THBS4: variants seen among roughly 807,000 people sequenced by gnomAD.
THBS4 encodes thrombospondin 4.
Under a neutral mutation model 115.7 loss-of-function variants are expected in THBS4, and 90 were observed. The observed-to-expected ratio is 0.78, with a 90% CI of 0.66 to 0.93. The LOEUF (loss-of-function observed/expected upper bound fraction) is 0.93. Among genes scored for constraint, THBS4 ranks in the 40% least tolerant of loss-of-function variants. THBS4 has a pLI of 0.00. For missense variants in THBS4, 1,087 were observed against 1,232.7 expected (o/e 0.88, Z 1.77); for synonymous variants, 460 against 479.3 (o/e 0.96, Z 0.53).
At chr5:80,028,615 T>A (rs183483323) in intron 2 of THBS4, among the ~76,000 whole-genome samples, 5 of 152,072 alleles carry the variant, frequency 3.3e-5, no homozygotes, top group African/African-American at 1.2e-4. Flanking sequence ...CCCACCACCA[T>A]GCCCAGCTAA....
chr5:80,059,414 CT>C (rs1292378237), intron 5 of THBS4, 25 bp from the exon 6 acceptor site: 4 of 1,610,428 alleles, frequency 2.5e-6, no homozygotes, highest in Admixed American at 1.7e-5. Context: ...CTTTTCAATC[CT>C]TTTTTCCCCT....
At chr5:80,048,287 C>A (rs1339000119) in intron 2 of THBS4, among the ~76,000 whole-genome samples, 1 of 152,026 alleles carries the variant, frequency 6.6e-6, no homozygotes, top group Non-Finnish European at 1.5e-5. Context: ...GGAGAGTGAT[C>A]CAAAAGTGAA....
rs1341458378 is a variant in THBS4 at position 80,083,088 on chromosome 5, C to T, written c.2833C>T (p.Pro945Ser). 1.2e-6 allele frequency: 2 copies of T among 1,614,038 alleles called. No individual in the cohort carries two copies. Among genetic ancestry groups the T allele is most frequent in the South Asian group, 2.2e-5 (2 of 91,084 alleles). ...NLKYRCNDTIPEDFQEFQTQN... is the reference protein window; with the variant it reads ...NLKYRCNDTISEDFQEFQTQN... ...GCCCATTCCTATTGCAGACACCATC[C>T]CTGAGGACTTCCAAGAGTTTCAAAC... Residue 945 changes from proline (P) to serine (S), a missense_variant, in exon 22 of 22, where the codon CCT (proline) becomes TCT (serine). Transcript: ENST00000350881.
At chr5:80,017,400 TC>T (rs1395854044) in intron 2 of THBS4, among the ~76,000 whole-genome samples, 1 of 152,188 alleles carries the variant, frequency 6.6e-6, no homozygotes, top group Non-Finnish European at 1.5e-5. Flanking sequence ...CTCAATTTCT[TC>T]CATCTACTAA....
At chr5:80,012,576 A>G (rs1384979887) in intron 2 of THBS4, among the ~76,000 whole-genome samples, 1 of 152,118 alleles carries the variant, frequency 6.6e-6, no homozygotes, top group Non-Finnish European at 1.5e-5. Context: ...TTTCAACTAG[A>G]GGTTGAAGCT....
chr5:80,075,924 A>G (rs1743183560), intron 15 of THBS4: 1 of 152,308 alleles, frequency 6.6e-6, no homozygotes, highest in Non-Finnish European at 1.5e-5. Context: ...GCCCTAGAGC[A>G]TGGTCTGGTC....
intron 1 of THBS4, among the ~76,000 whole-genome samples, chr5:79,997,425 T>C (rs1238143118): frequency 1.3e-5 from 2 of 152,072 alleles, no homozygotes. Context: ...GGACATTACA[T>C]AATGATAAAT....
At chr5:80,032,853 C>A (rs1314932058), upstream of THBS4, among the ~76,000 whole-genome samples, 5 of 152,286 alleles carry the variant, frequency 3.3e-5, no homozygotes, top group East Asian at 7.7e-4. Flanking sequence ...TTTGGCAGCA[C>A]CCTCACAGAC....
In THBS4 at chr5:80,076,999, AC is replaced by A; in HGVS notation, c.2039del (p.Pro680GlnfsTer48). The A allele has an allele frequency of 1.2e-6, 2 of 1,612,964 alleles. No individual in the cohort carries two copies. The highest frequency in any genetic ancestry group is 1.7e-6 in the Non-Finnish European group (2 of 1,179,510). ...GTATCCCAGACCTGGTGCCCCCTGG[AC>A]CAGACAACTGCCGGCTGGTCCCCAA... The part of the protein sequence containing the change: ...DGIPDLVPPG[P>X]DNCRLVPNPA... On this transcript the variant is annotated frameshift_variant, in exon 16 of 22. Transcript: ENST00000350881. LOFTEE classifies it high-confidence loss of function.
At chr5:80,014,368 G>A (rs1021145263) in intron 2 of THBS4, among the ~76,000 whole-genome samples, 1 of 152,188 alleles carries the variant, frequency 6.6e-6, no homozygotes, top group Non-Finnish European at 1.5e-5. Context: ...CCCAACAGAG[G>A]TACTGATGAT....
chr5:80,052,065 C>T (rs963626510), intron 2 of THBS4, among the ~76,000 whole-genome samples: 1 of 152,158 alleles, frequency 6.6e-6, no homozygotes, highest in Non-Finnish European at 1.5e-5. Flanking sequence ...TGACCTAATT[C>T]AAGTTTGGTG....
In THBS4 at chr5:80,028,113, A is replaced by T. The variant is rs549061379; in HGVS notation, n.178-11964A>T. Among the ~76,000 whole-genome samples the T allele has an allele frequency of 4.6e-5, 7 of 150,982 alleles. No homozygotes were observed. In the East Asian group the frequency reaches 1.4e-3, roughly 29 times the overall value. On this transcript the variant is annotated intron_variant and non_coding_transcript_variant, in intron 2 of 3. Coordinates refer to the THBS4 transcript ENST00000510218. Reference sequence around the variant, plus strand: ...ACCTGCAATCCCAGCTACACAGGAGACTGAGGCAGGAGTATCTTTTGAACC... The same window carrying T: ...ACCTGCAATCCCAGCTACACAGGAGTCTGAGGCAGGAGTATCTTTTGAACC...
chr5:80,068,392 GC>G, intron 10 of THBS4: 1 of 396,470 alleles, frequency 2.5e-6, no homozygotes, highest in Middle Eastern at 7.5e-4. Context: ...CTCCGGTGAA[GC>G]CCCAGCTCCC....
chr5:80,072,181 C>A (rs1293245472), intron 13 of THBS4, 97 bp from the exon 14 acceptor site: 1 of 1,074,978 alleles, frequency 9.3e-7, no homozygotes, highest in Non-Finnish European at 1.4e-6. Context: ...GTGACACTGG[C>A]CCAGGCAGAA....
Position 80,040,087 on chromosome 5 carries a change from T to A in THBS4, c.99T>A (p.Leu33=). 4.3e-6 allele frequency: 7 copies of A among 1,614,114 alleles called. No homozygotes were observed. The highest frequency in any genetic ancestry group is 5.9e-6 in the Non-Finnish European group (7 of 1,180,020). The part of the protein sequence containing the change: ...GAQATPQVFD[L]LPSSSQRLNP... Reference sequence around the variant, plus strand: ...CTCCCTTCTTCCCAGTCTTTGACCTTCTCCCATCTTCCAGTCAGAGGCTAA... The same window carrying A: ...CTCCCTTCTTCCCAGTCTTTGACCTACTCCCATCTTCCAGTCAGAGGCTAA... The change falls in exon 2 of 22, where the codon CTT becomes CTA. Residue 33 remains leucine, a synonymous_variant. Coordinates refer to ENST00000350881, the MANE Select transcript of THBS4 (RefSeq NM_003248.6).
intron 2 of THBS4, among the ~76,000 whole-genome samples, chr5:80,004,765 T>TCA (rs1209417951): frequency 6.6e-6 from 1 of 151,876 alleles, no homozygotes; most frequent in Non-Finnish European, 1.5e-5. Context: ...TGAGACAGAG[T>TCA]CACGCTCTGT....
chr5:80,064,409 G>A (rs1370068177), intron 8 of THBS4, among the ~76,000 whole-genome samples: 1 of 152,230 alleles, frequency 6.6e-6, no homozygotes, highest in Non-Finnish European at 1.5e-5. Context: ...CTGAAGATAT[G>A]CTTATAAACA....
At chr5:80,005,541 C>T (rs189755935) in intron 2 of THBS4, among the ~76,000 whole-genome samples, 93 of 152,006 alleles carry the variant, frequency 6.1e-4, no homozygotes, top group African/African-American at 2.2e-3. Flanking sequence ...GAGGAATGAG[C>T]ACTAGATGTG....
At chr5:80,066,396 G>A (rs1451452700) in intron 9 of THBS4, 1 of 152,126 alleles carries the variant, frequency 6.6e-6, no homozygotes, top group Non-Finnish European at 1.5e-5. Context: ...CATAAACAGG[G>A]ATTATTATTA....
Sources: allele counts gnomAD v4.1 joint callset (sites outside exome capture counted in the v4.1 genomes callset), GRCh38; gene constraint gnomAD v4.1.1; transcripts MANE v1.5; gene names NCBI Gene and HGNC (gene_info 2026-07-23, HGNC 2026-07-21).